FRAS1: variants seen among roughly 807,000 people sequenced by gnomAD.
The protein encoded by FRAS1 is extracellular matrix organizing protein FRAS1.
Under a neutral mutation model 435.2 loss-of-function variants are expected in FRAS1, and 290 were observed. The ratio of observed to expected loss-of-function variants is 0.67; its 90% CI spans 0.61 to 0.73. FRAS1 has a LOEUF of 0.73. Ranked by LOEUF, FRAS1 falls within the 30% of genes least tolerant of loss-of-function variation. The pLI, the probability that FRAS1 is intolerant of heterozygous loss-of-function variation, is 0.00. For missense variants in FRAS1, 4,860 were observed against 5,001.5 expected (o/e 0.97, Z 0.85); for synonymous variants, 1,800 against 1,851.0 (o/e 0.97, Z 0.71).
chr4:78,307,078 C>T (rs1268319598), intron 14 of FRAS1, among the ~76,000 whole-genome samples: 1 of 152,174 alleles, frequency 6.6e-6, no homozygotes, highest in East Asian at 1.9e-4. Context: ...AGTTTTCCTT[C>T]TAACAGACAG....
Position 78,252,570 on chromosome 4 carries a change from AAGGGG to A in FRAS1, c.469+21_469+25del, listed in dbSNP as rs1725594435. ...CTTGGGAGTGAGTATGAGCTTGTAGAAGGGGACCCTCTTTGCTTGGGAGGTTCACA... is the reference window on the plus strand; with the variant it reads ...CTTGGGAGTGAGTATGAGCTTGTAGAACCCTCTTTGCTTGGGAGGTTCACA... On this transcript the variant is annotated intron_variant, in intron 5 of 73. Transcript: ENST00000512123. 2 of 1,605,106 alleles carry A rather than the reference AAGGGG, an allele frequency of 1.2e-6. No homozygotes were observed. Among genetic ancestry groups the A allele is most frequent in the Non-Finnish European group, 1.7e-6 (2 of 1,176,348 alleles).
At chr4:78,068,680 C>T (rs1013665196) in intron 2 of FRAS1, 19 of 444,782 alleles carry the variant, frequency 4.3e-5, no homozygotes, top group Admixed American at 7.3e-5. Context: ...TTTAAAAAGA[C>T]TCCATAGGGG....
At chr4:78,103,949 G>A (rs1742259985) in intron 2 of FRAS1, among the ~76,000 whole-genome samples, 1 of 152,216 alleles carries the variant, frequency 6.6e-6, no homozygotes, top group Non-Finnish European at 1.5e-5. Flanking sequence ...ATGTCCAGTT[G>A]TGCCAGATAG....
intron 30 of FRAS1, among the ~76,000 whole-genome samples, chr4:78,406,452 C>T (rs1473152274): frequency 2.0e-5 from 3 of 152,240 alleles, no homozygotes; most frequent in East Asian, 3.9e-4. Context: ...TCTTACATGG[C>T]AGCAGCAAGA....
Position 78,475,526 on chromosome 4 carries a change from A to G in FRAS1, c.7771A>G (p.Thr2591Ala). 1.9e-6 allele frequency: 3 copies of G among 1,613,858 alleles called. No homozygotes were observed. Among genetic ancestry groups the G allele is most frequent in the Non-Finnish European group, 2.5e-6 (3 of 1,179,796 alleles). The change falls in exon 54 of 74, where the codon ACC (threonine) becomes GCC (alanine). Residue 2591 changes from threonine (T) to alanine (A), a missense_variant. Thr to Ala is a moderately conservative substitution (Grantham distance 58, BLOSUM62 0). Transcript: ENST00000512123. ...LNQYAIVLCR[T>A]EQGTASSSSR... ...CCAATATGCCATCGTCCTGTGTCGC[A>G]CCGAGCAAGGCACCGCCAGCTCCAG...
At chr4:78,416,474 A>G (rs1158690660) in intron 32 of FRAS1, among the ~76,000 whole-genome samples, 1 of 151,782 alleles carries the variant, frequency 6.6e-6, no homozygotes, top group African/African-American at 2.4e-5. Context: ...ATTAAGAGAG[A>G]CTTAGAGACA....
At chr4:78,305,038 T>G (rs952845256) in intron 14 of FRAS1, among the ~76,000 whole-genome samples, 1 of 152,228 alleles carries the variant, frequency 6.6e-6, no homozygotes. Context: ...TTTGAATGTG[T>G]CCCAGAGATT....
intron 1 of FRAS1, 65 bp from the exon 2 acceptor site, chr4:78,065,920 G>A: frequency 8.2e-7 from 1 of 1,218,772 alleles, no homozygotes; most frequent in Admixed American, 1.8e-5. Context: ...CAGCAAGCTT[G>A]CTGGGGCAGT....
At chr4:78,311,982 ATT>A (rs969046734) in intron 15 of FRAS1, among the ~76,000 whole-genome samples, 3 of 151,608 alleles carry the variant, frequency 2.0e-5, no homozygotes, top group African/African-American at 7.3e-5. Flanking sequence ...AAATATGCAA[ATT>A]TTCTCACTCT....
chr4:78,296,040 A>G (rs567450346), intron 14 of FRAS1, among the ~76,000 whole-genome samples: 113 of 151,816 alleles, frequency 7.4e-4, no homozygotes, highest in Admixed American at 1.6e-3. Context: ...GGCACAAGCC[A>G]CCAAACTCAG....
At chr4:78,064,932 C>G (rs1739930759) in intron 1 of FRAS1, among the ~76,000 whole-genome samples, 1 of 151,598 alleles carries the variant, frequency 6.6e-6, no homozygotes, top group South Asian at 2.1e-4. Context: ...GACTCAGTTT[C>G]TGAGAGAGTA....
chr4:78,528,818 T>C (rs74927523), intron 70 of FRAS1, among the ~76,000 whole-genome samples: 3,480 of 152,262 alleles, frequency 0.023, 151 homozygotes, highest in African/African-American at 0.078. Context: ...TGTTTAACTT[T>C]TTAAGAAACT....
Position 78,478,064 on chromosome 4 carries a change from C to A in FRAS1, c.8098+3C>A. The A allele has an allele frequency of 6.4e-7, 1 of 1,555,280 alleles. No homozygotes were observed. The highest frequency in any genetic ancestry group is 1.2e-5 in the South Asian group (1 of 84,264). On this transcript the variant is annotated splice_donor_region_variant and intron_variant, in intron 55 of 73. Transcript: ENST00000512123. ...GTTTGCACCTATTGAAAGAAAAGGT[C>A]TGTTGGTTCCACAGGTGACAAAGAG...
At chr4:78,229,557 C>T (rs1724426685) in intron 2 of FRAS1, among the ~76,000 whole-genome samples, 1 of 152,118 alleles carries the variant, frequency 6.6e-6, no homozygotes, top group African/African-American at 2.4e-5. Context: ...GCTTCACAGT[C>T]CCTTTATCTG....
At chr4:78,432,715 T>TA (rs1231674850) in intron 38 of FRAS1, 111 bp downstream of exon 38, 60 of 1,266,308 alleles carry the variant, frequency 4.7e-5, no homozygotes, top group Middle Eastern at 5.7e-4. Flanking sequence ...TATGGTCACG[T>TA]AAAGAACATT....
chr4:78,159,216 C>T (rs1397837249), intron 2 of FRAS1, among the ~76,000 whole-genome samples: 1 of 152,140 alleles, frequency 6.6e-6, no homozygotes, highest in East Asian at 1.9e-4. Flanking sequence ...GGAATATAAA[C>T]TAACTCCTTT....
chr4:78,082,300 C>T (rs779877066), intron 2 of FRAS1, among the ~76,000 whole-genome samples: 15 of 151,970 alleles, frequency 9.9e-5, no homozygotes, highest in Non-Finnish European at 1.2e-4. Context: ...ATCCTATTAC[C>T]TTTATGCTTG....
At chr4:78,529,015 G>A (rs1485162369) in intron 70 of FRAS1, among the ~76,000 whole-genome samples, 2 of 152,110 alleles carry the variant, frequency 1.3e-5, no homozygotes, top group African/African-American at 2.4e-5. Context: ...GGTAGAGAGC[G>A]AGGTGCTGGA....
intron 20 of FRAS1, among the ~76,000 whole-genome samples, chr4:78,343,402 C>A (rs182162435): frequency 1.3e-5 from 2 of 151,968 alleles, no homozygotes; most frequent in East Asian, 3.9e-4. Context: ...AGGTTGTAGA[C>A]CAACTGACTT....
Sources: allele counts gnomAD v4.1 joint callset (sites outside exome capture counted in the v4.1 genomes callset), GRCh38; gene constraint gnomAD v4.1.1; transcripts MANE v1.5; gene names NCBI Gene and HGNC (gene_info 2026-07-23, HGNC 2026-07-21).